The following PCDHA10 variants were observed in gnomAD, a reference collection of about 807,000 sequenced individuals.
PCDHA10 encodes the protein protocadherin alpha-10.
PCDHA10 carries 45 observed loss-of-function variants against 61.2 expected under a neutral mutation model. That is an observed-to-expected ratio of 0.74 (90% CI 0.58 to 0.94). PCDHA10 has a LOEUF of 0.94. Among genes scored for constraint, PCDHA10 ranks in the 40% least tolerant of loss-of-function variants. The probability of loss-of-function intolerance (pLI) is 0.00; values close to 1 mark genes in which losing one functional copy is unlikely to be tolerated. For missense variants in PCDHA10, 1,278 were observed against 1,236.2 expected (o/e 1.03, Z -0.51); for synonymous variants, 602 against 548.8 (o/e 1.10, Z -1.35).
At chr5:140,895,267 T>G (rs2064938299) in intron 1 of PCDHA10, among the ~76,000 whole-genome samples, 1 of 152,162 alleles carries the variant, frequency 6.6e-6, no homozygotes. Flanking sequence ...TTTTTCTTAC[T>G]CAGGGATAAT....
intron 1 of PCDHA10, chr5:140,867,855 G>T (rs1340065029): frequency 6.6e-6 from 1 of 151,976 alleles, no homozygotes; most frequent in African/African-American, 2.4e-5. Context: ...TAGTTGAATT[G>T]TTTGATTAAT....
At chr5:140,868,461 GC>G (rs1399202356) in intron 1 of PCDHA10, 1 of 152,356 alleles carries the variant, frequency 6.6e-6, no homozygotes, top group African/African-American at 2.4e-5. Flanking sequence ...CTAAAGAGCT[GC>G]TTTTATAAAA....
intron 1 of PCDHA10, chr5:140,968,553 G>A (rs782583876): frequency 4.3e-6 from 7 of 1,614,132 alleles, no homozygotes; most frequent in South Asian, 2.2e-5. Context: ...ATGGTGCCTC[G>A]AACTGCCCCT....
At chr5:140,966,654 T>G (rs1048894569) in intron 1 of PCDHA10, 2 of 1,185,100 alleles carry the variant, frequency 1.7e-6, no homozygotes, top group Non-Finnish European at 2.2e-6. Flanking sequence ...GCGTGAGCGG[T>G]GGGGGAGCAG....
chr5:140,888,764 T>A (rs74654123), intron 1 of PCDHA10, among the ~76,000 whole-genome samples: 4 of 152,186 alleles, frequency 2.6e-5, no homozygotes, highest in East Asian at 3.9e-4. Context: ...CTTTTTTTTT[T>A]AATTTTGAAG....
At chr5:140,930,084 A>G (rs1350674790) in intron 1 of PCDHA10, 1 of 152,142 alleles carries the variant, frequency 6.6e-6, no homozygotes, top group Non-Finnish European at 1.5e-5. Flanking sequence ...CTCTCATAAC[A>G]TCTATTTATA....
intron 1 of PCDHA10, among the ~76,000 whole-genome samples, chr5:140,905,012 C>A (rs1335177928): frequency 6.6e-6 from 1 of 152,054 alleles, no homozygotes; most frequent in Non-Finnish European, 1.5e-5. Context: ...TTTGCTAATT[C>A]TTTTCTATGC....
In PCDHA10 at chr5:140,886,687, A is replaced by G. The variant is rs553566283; in HGVS notation, c.2388+28251A>G. On this transcript the variant is annotated intron_variant, in intron 1 of 3. Coordinates refer to ENST00000307360, the MANE Select transcript of PCDHA10 (RefSeq NM_018901.4). The stretch of plus-strand genomic sequence containing the variant: ...CTAAAAATACAAAAATTAGCGAGGC[A>G]TGGTGGCACGCGCCTGTAATCCCAG... Among the ~76,000 whole-genome samples, 418 of 152,114 alleles carry G rather than the reference A, an allele frequency of 2.7e-3. 2 individuals are homozygous for G. Among genetic ancestry groups the G allele is most frequent in the Middle Eastern group, 0.014 (4 of 294 alleles).
chr5:140,885,936 T>G (rs994325798), intron 1 of PCDHA10, among the ~76,000 whole-genome samples: 5 of 152,198 alleles, frequency 3.3e-5, no homozygotes, highest in Admixed American at 6.5e-5. Context: ...ATCTATTTTT[T>G]GACATTTTTA....
chr5:140,929,522 T>G, intron 1 of PCDHA10: 1 of 727,900 alleles, frequency 1.4e-6, no homozygotes. Context: ...GACTTATAGT[T>G]TATTTTTGAG....
chr5:140,941,202 C>CTTTCTCTCTTT (rs1554213921), intron 1 of PCDHA10, among the ~76,000 whole-genome samples: 1 of 122,742 alleles, frequency 8.1e-6, no homozygotes, highest in African/African-American at 3.0e-5. Flanking sequence ...TTTCTTTCTT[C>CTTTCTCTCTTT]CTTTCTTTCT....
chr5:140,923,256 TAGTG>T (rs2153568044), intron 1 of PCDHA10, among the ~76,000 whole-genome samples: 1 of 152,302 alleles, frequency 6.6e-6, no homozygotes, highest in African/African-American at 2.4e-5. Context: ...CTGGGCAACA[TAGTG>T]AGACCTTGTC....
At chr5:140,976,369 G>A (rs1464114589) in intron 1 of PCDHA10, among the ~76,000 whole-genome samples, 1 of 151,996 alleles carries the variant, frequency 6.6e-6, no homozygotes, top group Non-Finnish European at 1.5e-5. Flanking sequence ...TGGCCAACAT[G>A]GTGAAACCCC....
At chr5:140,862,588 G>A in intron 1 of PCDHA10, 1 of 501,458 alleles carries the variant, frequency 2.0e-6, no homozygotes, top group Non-Finnish European at 4.1e-6. Context: ...CCAGCAGCCC[G>A]AGTACATGGT....
chr5:140,911,485 A>G (rs1387982810), intron 1 of PCDHA10, among the ~76,000 whole-genome samples: 1 of 152,152 alleles, frequency 6.6e-6, no homozygotes, highest in East Asian at 1.9e-4. Context: ...ACTCAGGGCA[A>G]TCTTAGCAGG....
intron 1 of PCDHA10, among the ~76,000 whole-genome samples, chr5:140,902,424 G>A (rs1422453587): frequency 6.6e-6 from 1 of 152,038 alleles, no homozygotes; most frequent in African/African-American, 2.4e-5. Flanking sequence ...AGTGGTGAAA[G>A]TGGGCATCCT....
At chr5:140,980,094 TA>T (rs1554241421) in intron 2 of PCDHA10, among the ~76,000 whole-genome samples, 1 of 152,218 alleles carries the variant, frequency 6.6e-6, no homozygotes, top group African/African-American at 2.4e-5. Context: ...GTTGGCTTGG[TA>T]AGATGTCACA....
chr5:140,958,422 C>A (rs1436234763), intron 1 of PCDHA10, among the ~76,000 whole-genome samples: 1 of 152,120 alleles, frequency 6.6e-6, no homozygotes, highest in African/African-American at 2.4e-5. Context: ...TGGAAAGAAG[C>A]ACTTTTTATA....
rs782058694 is a variant in PCDHA10 at position 140,883,215 on chromosome 5, A to G, written c.2388+24779A>G. On this transcript the variant is annotated intron_variant, in intron 1 of 3. Coordinates refer to ENST00000307360, the MANE Select transcript of PCDHA10 (RefSeq NM_018901.4). ...CTAGATTTCGAAGAAAAGAAATTAT[A>G]TGAAATATCCGTGGAGGCAGTTGAC... 2.5e-6 allele frequency: 4 copies of G among 1,613,954 alleles called. No individual in the cohort carries two copies. Among genetic ancestry groups the G allele is most frequent in the Non-Finnish European group, 3.4e-6 (4 of 1,180,034 alleles).
Sources: gnomAD v4.1 joint callset for allele counts (sites outside exome capture counted in the v4.1 genomes callset) on GRCh38, gnomAD v4.1.1 for gene constraint, MANE v1.5 for transcripts, NCBI Gene and HGNC (gene_info 2026-07-23, HGNC 2026-07-21) for gene names.